The following CCNG1 variants were observed in gnomAD, a reference collection of about 807,000 sequenced individuals.
The protein encoded by CCNG1 is cyclin-G1.
In CCNG1, 13 loss-of-function variants were observed where a neutral mutation model predicts 30.0. The ratio of observed to expected loss-of-function variants is 0.43; its 90% CI spans 0.28 to 0.69. The LOEUF (loss-of-function observed/expected upper bound fraction) is 0.69, where lower values mean the gene tolerates loss of function less well. Among genes scored for constraint, CCNG1 ranks in the 30% least tolerant of loss-of-function variants. CCNG1 has a pLI of 0.16. For synonymous variants in CCNG1, 110 were observed against 121.5 expected, an observed-to-expected ratio of 0.91 and a Z score of 0.62; for missense variants, 285 against 331.4, an observed-to-expected ratio of 0.86 and a Z score of 1.09.
intron 3 of CCNG1, chr5:163,441,585 T>A: frequency 4.1e-6 from 2 of 489,190 alleles, no homozygotes; most frequent in Non-Finnish European, 7.1e-6. Context: ...CACAAATTTA[T>A]GGAAAAAAAG....
rs1757806821 is a variant in CCNG1 at position 163,441,323 on chromosome 5, A to C, written c.510A>C (p.Pro170=). 1.2e-6 allele frequency: 2 copies of C among 1,613,348 alleles called. No individual in the cohort carries two copies. The highest frequency in any genetic ancestry group is 1.7e-6 in the Non-Finnish European group (2 of 1,179,636). Residue 170 remains proline (P), a synonymous_variant, in exon 3 of 7, where the codon CCA becomes CCC. Transcript: ENST00000340828. The stretch of plus-strand genomic sequence containing the variant: ...ATTCACTCCTTCAAGAGAACTTGCC[A>C]CTTGAAAGGTAAGTGACCTTTGTTT... ...LYYSLLQENL[P]LERRNSINFE...
intron 1 of CCNG1, among the ~76,000 whole-genome samples, chr5:163,438,226 C>T (rs1757590022): frequency 6.6e-6 from 1 of 152,084 alleles, no homozygotes; most frequent in African/African-American, 2.4e-5. Flanking sequence ...TAGCAACAAC[C>T]CACCGCACCC....
intron 2 of CCNG1, among the ~76,000 whole-genome samples, chr5:163,440,414 G>A (rs1267176340): frequency 6.6e-6 from 1 of 152,104 alleles, no homozygotes; most frequent in East Asian, 1.9e-4. Context: ...ACTACATTAT[G>A]CCTTTAAAGA....
the CCNG1 span, among the ~76,000 whole-genome samples, chr5:163,457,275 G>A: frequency 3.8e-4 from 58 of 152,140 alleles, no homozygotes; most frequent in South Asian, 2.1e-4. Context: ...GGGAATACAG[G>A]CATGCGCCAC....
chr5:163,439,665 TTTC>T (rs1281446198), intron 2 of CCNG1, 145 bp downstream of exon 2: 8 of 641,958 alleles, frequency 1.2e-5, no homozygotes, highest in African/African-American at 5.5e-5. Context: ...AGCATTAATA[TTTC>T]TTATCATAAT....
chr5:163,456,563 T>C, the CCNG1 span, among the ~76,000 whole-genome samples: 1 of 152,052 alleles, frequency 6.6e-6, no homozygotes, highest in South Asian at 2.1e-4. Flanking sequence ...ATAGCCAACA[T>C]ATGAGATGAA....
chr5:163,453,996 C>T, the CCNG1 span: 1 of 1,551,390 alleles, frequency 6.4e-7, no homozygotes, highest in Non-Finnish European at 8.7e-7. Context: ...AAATCTGGTC[C>T]ACCTTTAGTG....
At chr5:163,441,991 A>G in intron 4 of CCNG1, 27 bp downstream of exon 4, 1 of 1,580,684 alleles carries the variant, frequency 6.3e-7, no homozygotes, top group South Asian at 1.1e-5. Flanking sequence ...GATTATGCCT[A>G]TTGATATGAT....
Position 163,441,891 on chromosome 5 carries a change from A to ATT in CCNG1, c.525_526insTT (p.Ser176LeufsTer8). 1 of 1,587,460 alleles carries ATT rather than the reference A, an allele frequency of 6.3e-7. No individual in the cohort carries two copies. Among genetic ancestry groups the ATT allele is most frequent in the South Asian group, 1.1e-5 (1 of 90,060 alleles). On this transcript the variant is annotated frameshift_variant, in exon 4 of 7. Coordinates refer to ENST00000340828, the MANE Select transcript of CCNG1 (RefSeq NM_004060.4). LOFTEE classifies it high-confidence loss of function. Reference sequence around the variant, plus strand: ...ATACCATTTTCTTTTTAAAGGAGAAATAGCATTAATTTTGAAAGACTAGAA... The same window carrying ATT: ...ATACCATTTTCTTTTTAAAGGAGAAATTTAGCATTAATTTTGAAAGACTAGAA...
At chr5:163,457,044 G>C in the CCNG1 span, 1 of 1,611,524 alleles carries the variant, frequency 6.2e-7, no homozygotes, top group Non-Finnish European at 8.5e-7. Flanking sequence ...ATCTCTCTTT[G>C]TCTTTGTAAG....
rs760054613 is a variant in CCNG1 at position 163,439,429 on chromosome 5, A to T, written c.173A>T (p.Asp58Val). 3.1e-6 allele frequency: 5 copies of T among 1,614,054 alleles called. No individual in the cohort carries two copies. The highest frequency in any genetic ancestry group is 4.2e-6 in the Non-Finnish European group (5 of 1,179,934). ...TARLRDFEVK[D>V]LLSLTQFFGF... Reference sequence around the variant, plus strand: ...AGACTAAGGGACTTTGAAGTAAAAGATCTTCTTAGTCTAACTCAGTTCTTT... The same window carrying T: ...AGACTAAGGGACTTTGAAGTAAAAGTTCTTCTTAGTCTAACTCAGTTCTTT... The change falls in exon 2 of 7, where the codon GAT (aspartate) becomes GTT (valine). Residue 58 changes from aspartate to valine, a missense_variant. Asp to Val is a radical substitution (Grantham distance 152). Transcript: ENST00000340828.
intron 3 of CCNG1, 22 bp from the exon 4 acceptor site, chr5:163,441,864 T>G: frequency 6.9e-7 from 1 of 1,441,436 alleles, no homozygotes; most frequent in Non-Finnish European, 9.7e-7. Context: ...CTAATAAAAG[T>G]AATACCATTT....
downstream of CCNG1, among the ~76,000 whole-genome samples, chr5:163,445,620 AT>A (rs56065634): frequency 5.3e-3 from 572 of 107,966 alleles, 7 homozygotes; most frequent in African/African-American, 0.019. Flanking sequence ...CACCCAGCTA[AT>A]TTTTTTTTTT....
rs1757953578 is a variant in CCNG1, at chr5:163,443,920, G to A, written c.*250G>A. 1 of 494,898 alleles carries A rather than the reference G, an allele frequency of 2.0e-6. No individual in the cohort carries two copies. Among genetic ancestry groups the A allele is most frequent in the Non-Finnish European group, 3.6e-6 (1 of 280,974 alleles). The allele number at this position is 494,898 out of a possible 1,614,324, so 30.7% of individuals were successfully genotyped here. A position where few individuals can be genotyped will look rare whatever the true frequency, so the allele number is the denominator to read the frequency against. Reference sequence around the variant, plus strand: ...AATGTGAAATGCTAATGACAAGCCTGAGAAGGTAAACTGTGAATCTTCATT... The same window carrying A: ...AATGTGAAATGCTAATGACAAGCCTAAGAAGGTAAACTGTGAATCTTCATT... On this transcript the variant is annotated 3_prime_UTR_variant, in exon 7 of 7. Coordinates refer to ENST00000340828, the MANE Select transcript of CCNG1 (RefSeq NM_004060.4).
In CCNG1 at chr5:163,443,656, TTTTC is replaced by T. The variant is rs1435389570; in HGVS notation, c.*4-14_*4-11del. On this transcript the variant is annotated splice_polypyrimidine_tract_variant and intron_variant, in intron 6 of 6. Transcript: ENST00000340828. ...CTTCTGTTAAGTTGGATTTTGTTTG[TTTTC>T]TTTATTTAAATAGGATTATTACAGC... The T allele has an allele frequency of 2.7e-6, 4 of 1,459,726 alleles. No homozygotes were observed. Among genetic ancestry groups the T allele is most frequent in the Admixed American group, 2.0e-5 (1 of 50,528 alleles). The allele number at this position is 1,459,726 out of a possible 1,614,324, so 90.4% of individuals were successfully genotyped here.
chr5:163,455,367 G>A, the CCNG1 span, among the ~76,000 whole-genome samples: 1 of 152,214 alleles, frequency 6.6e-6, no homozygotes, highest in Non-Finnish European at 1.5e-5. Context: ...AGCTGTAAGG[G>A]AGGAGGTAAT....
the CCNG1 span, among the ~76,000 whole-genome samples, chr5:163,455,390 G>A: frequency 6.6e-6 from 1 of 152,172 alleles, no homozygotes; most frequent in South Asian, 2.1e-4. Context: ...GGGAGATGAT[G>A]GAATAACTGA....
At chr5:163,448,835 T>C (rs1233483809), downstream of CCNG1, 1 of 152,200 alleles carries the variant, frequency 6.6e-6, no homozygotes, top group Non-Finnish European at 1.5e-5. Flanking sequence ...GTAAAATCCA[T>C]GATTTTAACA....
At position 163,441,946 on chromosome 5, in the gene CCNG1, C is replaced by A; in HGVS notation, c.579C>A (p.Ile193=). The change falls in exon 4 of 7, where the codon ATC becomes ATA. Residue 193 remains isoleucine, a synonymous_variant. Transcript: ENST00000340828. ...EAQLKACHCR[I]IFSKAKPSVL... ...AACTGAAGGCATGTCATTGCAGGAT[C>A]ATATTTTCTAAAGCAAAGGTAAATA... The A allele has an allele frequency of 6.2e-7, 1 of 1,608,066 alleles. No homozygotes were observed. Among genetic ancestry groups the A allele is most frequent in the South Asian group, 1.1e-5 (1 of 90,826 alleles).
Sources: gnomAD v4.1 joint callset for allele counts (sites outside exome capture counted in the v4.1 genomes callset) on GRCh38, gnomAD v4.1.1 for gene constraint, MANE v1.5 for transcripts, NCBI Gene and HGNC (gene_info 2026-07-23, HGNC 2026-07-21) for gene names.